Variants in GRIN3B observed in about 807,000 individuals in gnomAD.
GRIN3B encodes glutamate ionotropic receptor NMDA type subunit 3B.
A neutral mutation model predicts 66.0 loss-of-function variants in GRIN3B; 77 were observed. The ratio of observed to expected loss-of-function variants is 1.17; its 90% confidence interval spans 0.97 to 1.41. The LOEUF (loss-of-function observed/expected upper bound fraction) is 1.41. Among genes scored for constraint, GRIN3B ranks in the 40% most tolerant of loss-of-function variants. The pLI is 0.00. For missense variants in GRIN3B, 1,787 were observed against 1,564.5 expected, an observed-to-expected ratio of 1.14 and a Z score of -2.40; for synonymous variants, 823 against 749.7, an observed-to-expected ratio of 1.10 and a Z score of -1.60.
chr19:1,009,390 C>A lies in GRIN3B; in HGVS notation c.2920C>A (p.Pro974Thr). Residue 974 changes from proline to threonine, a missense_variant, in exon 9 of 9, where the codon CCC (proline) becomes ACC (threonine). Coordinates refer to ENST00000234389, the MANE Select transcript of GRIN3B (RefSeq NM_138690.3). ...CTACGGCCGCCCGCCCGCCGCAAGG[C>A]CCACGGGGGCCCCCCAGCCCGGGGA... Reference protein sequence around the residue: ...CSYGRPPAARPTGAPQPGELQ... With the variant: ...CSYGRPPAARTTGAPQPGELQ... 2.1e-6 allele frequency: 3 copies of A among 1,411,466 alleles called. No individual in the cohort carries two copies. Among genetic ancestry groups the A allele is most frequent in the Non-Finnish European group, 1.8e-6 (2 of 1,089,872 alleles). The allele number at this position is 1,411,466 out of a possible 1,614,324, so 87.4% of individuals were successfully genotyped here.
At chr19:1,004,479 T>C (rs369655315) in intron 2 of GRIN3B, 42 bp from the exon 3 acceptor site, 74 of 1,509,274 alleles carry the variant, frequency 4.9e-5, no homozygotes, top group Non-Finnish European at 6.4e-5. Flanking sequence ...GATGGAGGGG[T>C]GTGAACTTCG....
chr19:1,003,876 C>A (rs1447560293), intron 2 of GRIN3B, among the ~76,000 whole-genome samples, 154 bp downstream of exon 2: 1 of 152,212 alleles, frequency 6.6e-6, no homozygotes, highest in African/African-American at 2.4e-5. Flanking sequence ...CACTTGAGCT[C>A]GGGAGTTTGA....
chr19:1,009,351 G>A lies in GRIN3B; in HGVS notation c.2881G>A (p.Val961Ile), dbSNP rs761719156. The A allele has an allele frequency of 2.2e-6, 3 of 1,390,840 alleles. No individual in the cohort carries two copies. The allele number at this position is 1,390,840 out of a possible 1,614,324, so 86.2% of individuals were successfully genotyped here. A position where few individuals can be genotyped will look rare whatever the true frequency, so the allele number is the denominator to read the frequency against. The change falls in exon 9 of 9, where the codon GTC becomes ATC. Residue 961 changes from valine (V) to isoleucine (I), a missense_variant. Physicochemically the swap from Val to Ile is conservative, Grantham distance 29. Transcript: ENST00000234389. ...GGAGGCTGCGCCGCGAGAGGGCCCC[G>A]TCTGGCTGTGCTCCTACGGCCGCCC... ...EAEAAPREGP[V>I]WLCSYGRPPA... is the part of the protein sequence containing the mutation.
Position 1,009,565 on chromosome 19 carries a change from C to A in GRIN3B, c.3095C>A (p.Ala1032Asp), listed in dbSNP as rs2038823942. 2 of 890,640 alleles carry A rather than the reference C, an allele frequency of 2.2e-6. No individual in the cohort carries two copies. The highest frequency in any genetic ancestry group is 3.0e-6 in the Non-Finnish European group (2 of 660,100). The allele number at this position is 890,640 out of a possible 1,614,324, so 55.2% of individuals were successfully genotyped here. A position where few individuals can be genotyped will look rare whatever the true frequency, so the allele number is the denominator to read the frequency against. ...CAGGCCAGAGCGGCCCCCGCGGAGG[C>A]CCCACCACACTCTGGCCGACCGGGG... ...LLQARAAPAE[A>D]PPHSGRPGSQ... The change falls in exon 9 of 9, where the codon GCC becomes GAC. Residue 1032 changes from alanine to aspartate, a missense_variant. Transcript: ENST00000234389.
Position 1,009,562 on chromosome 19 carries a change from AGGCCCCACCACACTCT to A in GRIN3B, c.3097_3112del (p.Pro1033AspfsTer47). On this transcript the variant is annotated frameshift_variant, in exon 9 of 9. Transcript: ENST00000234389. LOFTEE classifies it low-confidence loss of function (END_TRUNC). The stretch of plus-strand genomic sequence containing the variant: ...CTTCAGGCCAGAGCGGCCCCCGCGG[AGGCCCCACCACACTCT>A]GGCCGACCGGGGAGCCAGGAATGAG... 2.2e-6 allele frequency: 2 copies of A among 895,002 alleles called. No individual in the cohort carries two copies. Among genetic ancestry groups the A allele is most frequent in the Non-Finnish European group, 3.0e-6 (2 of 662,152 alleles). The allele number at this position is 895,002 out of a possible 1,614,324, so 55.4% of individuals were successfully genotyped here. A position where few individuals can be genotyped will look rare whatever the true frequency, so the allele number is the denominator to read the frequency against.
chr19:1,003,142 C>T lies in GRIN3B; in HGVS notation c.439C>T (p.Leu147=). ...ACCCCTCTCCCAGAACCCATTCCAC[C>T]TGCAGCTGCACTGGGCCAGCCCCCT... ...APLGAPNPFH[L]QLHWASPLET... is the part of the protein sequence containing the mutation. The change falls in exon 2 of 9, where the codon CTG becomes TTG. Residue 147 remains leucine, a synonymous_variant. Coordinates refer to ENST00000234389, the MANE Select transcript of GRIN3B (RefSeq NM_138690.3). The T allele has an allele frequency of 6.9e-7, 1 of 1,453,740 alleles. No individual in the cohort carries two copies. The allele number at this position is 1,453,740 out of a possible 1,614,324, so 90.1% of individuals were successfully genotyped here. A position where few individuals can be genotyped will look rare whatever the true frequency, so the allele number is the denominator to read the frequency against.
At position 1,005,414 on chromosome 19, in the gene GRIN3B, A is replaced by C; in HGVS notation, c.1913A>C (p.Lys638Thr). ...CGCACCGTGTCCAGCAAGACGCCCA[A>C]GTGCCCCACGGGCCGCCTGCTCATG... ...FRRTVSSKTPKCPTGRLLMNL... is the reference protein window; with the variant it reads ...FRRTVSSKTPTCPTGRLLMNL... Residue 638 changes from lysine to threonine, a missense_variant, in exon 3 of 9, where the codon AAG becomes ACG. Lys to Thr is a moderately conservative substitution (Grantham distance 78). Coordinates refer to ENST00000234389, the MANE Select transcript of GRIN3B (RefSeq NM_138690.3). The surrounding 1 kb of genome is among the most constrained non-coding windows in gnomAD (Gnocchi z 5.2). 6.2e-7 allele frequency: 1 copy of C among 1,613,600 alleles called. No homozygotes were observed. Among genetic ancestry groups the C allele is most frequent in the Non-Finnish European group, 8.5e-7 (1 of 1,179,978 alleles).
rs1456775874 is a variant in GRIN3B at position 1,007,621 on chromosome 19, C to G, written c.2053-7C>G. The G allele has an allele frequency of 2.0e-6, 3 of 1,493,096 alleles. No homozygotes were observed. Among genetic ancestry groups the G allele is most frequent in the Non-Finnish European group, 2.7e-6 (3 of 1,125,034 alleles). The allele number at this position is 1,493,096 out of a possible 1,614,324, so 92.5% of individuals were successfully genotyped here. Reference sequence around the variant, plus strand: ...AGGCAGAGGCGCTGACGGGGTCCCCCGCGCAGCTGCACCACCCGGCGCAGG... The same window carrying G: ...AGGCAGAGGCGCTGACGGGGTCCCCGGCGCAGCTGCACCACCCGGCGCAGG... On this transcript the variant is annotated splice_region_variant and splice_polypyrimidine_tract_variant and intron_variant, in intron 3 of 8. Coordinates refer to ENST00000234389, the MANE Select transcript of GRIN3B (RefSeq NM_138690.3). This position sits in a 1 kb window ranked among gnomAD's most constrained non-coding sequence, Gnocchi z 4.4.
Position 1,000,633 on chromosome 19 carries a change from C to T in GRIN3B, c.196C>T (p.Leu66=), listed in dbSNP as rs2038673703. The change falls in exon 1 of 9, where the codon CTG becomes TTG. Residue 66 remains leucine, a synonymous_variant. Transcript: ENST00000234389. The part of the protein sequence containing the change: ...ALARAALAPR[L]PHNLSLELVV... ...GGCCCGGGCCGCCCTGGCGCCGCGGCTGCCGCACAACCTGAGCTTGGAGCT... is the reference window on the plus strand; with the variant it reads ...GGCCCGGGCCGCCCTGGCGCCGCGGTTGCCGCACAACCTGAGCTTGGAGCT... The T allele has an allele frequency of 4.1e-6, 5 of 1,213,856 alleles. No homozygotes were observed. The highest frequency in any genetic ancestry group is 5.1e-6 in the Non-Finnish European group (5 of 977,512). The allele number at this position is 1,213,856 out of a possible 1,614,324, so 75.2% of individuals were successfully genotyped here. A position where few individuals can be genotyped will look rare whatever the true frequency, so the allele number is the denominator to read the frequency against.
At position 1,007,236 on chromosome 19, in the gene GRIN3B, G is replaced by C. The variant is rs2038759558; in HGVS notation, c.2053-392G>C. On this transcript the variant is annotated intron_variant, in intron 3 of 8. Coordinates refer to ENST00000234389, the MANE Select transcript of GRIN3B (RefSeq NM_138690.3). The surrounding 1 kb of genome is among the most constrained non-coding windows in gnomAD (Gnocchi z 4.4). ...GCTGCCTCCGCCTGGGGTGGGAAGAGCGAGTGGGGGCAGATCAGGAGTGGG... is the reference window on the plus strand; with the variant it reads ...GCTGCCTCCGCCTGGGGTGGGAAGACCGAGTGGGGGCAGATCAGGAGTGGG... Among the ~76,000 whole-genome samples the C allele has an allele frequency of 6.6e-6, 1 of 152,122 alleles. No individual in the cohort carries two copies. The highest frequency in any genetic ancestry group is 1.5e-5 in the Non-Finnish European group (1 of 67,992).
rs758898930 is a variant in GRIN3B at position 1,003,382 on chromosome 19, G to C, written c.679G>C (p.Gly227Arg). 54 of 1,567,298 alleles carry C rather than the reference G, an allele frequency of 3.4e-5. No homozygotes were observed. The highest frequency in any genetic ancestry group is 2.2e-5 in the Non-Finnish European group (25 of 1,162,028). ...ARLAPMAAPVGGEAPVPAAVL... is the reference protein window; with the variant it reads ...ARLAPMAAPVRGEAPVPAAVL... The stretch of plus-strand genomic sequence containing the variant: ...CCTGGCCCCGATGGCGGCGCCAGTG[G>C]GGGGTGAAGCACCGGTACCCGCGGC... The change falls in exon 2 of 9, where the codon GGG (glycine) becomes CGG (arginine). Residue 227 changes from glycine to arginine, a missense_variant. Gly to Arg is a moderately radical substitution (Grantham distance 125, BLOSUM62 -2). Coordinates refer to ENST00000234389, the MANE Select transcript of GRIN3B (RefSeq NM_138690.3).
In GRIN3B at chr19:1,008,893, G is replaced by A; in HGVS notation, c.2668G>A (p.Gly890Arg). 6.2e-7 allele frequency: 1 copy of A among 1,610,814 alleles called. No homozygotes were observed. The highest frequency in any genetic ancestry group is 8.5e-7 in the Non-Finnish European group (1 of 1,178,924). ...HRALNTEPPE[G>R]SKEETAEAEP... Reference sequence around the variant, plus strand: ...CGCCCTCAACACGGAGCCACCAGAGGGGTCGAAGGAGGAGACGGCAGAGGC... The same window carrying A: ...CGCCCTCAACACGGAGCCACCAGAGAGGTCGAAGGAGGAGACGGCAGAGGC... Residue 890 changes from glycine (G) to arginine (R), a missense_variant, in exon 8 of 9, where the codon GGG becomes AGG. Physicochemically the swap from Gly to Arg is moderately radical, Grantham distance 125. Coordinates refer to ENST00000234389, the MANE Select transcript of GRIN3B (RefSeq NM_138690.3).
Position 1,004,687 on chromosome 19 carries a change from T to A in GRIN3B, c.1186T>A (p.Leu396Met). 1 of 1,601,566 alleles carries A rather than the reference T, an allele frequency of 6.2e-7. No homozygotes were observed. The highest frequency in any genetic ancestry group is 8.5e-7 in the Non-Finnish European group (1 of 1,174,196). ...VGSWRDGQLD[L>M]EPGGASARPP... Reference sequence around the variant, plus strand: ...CAGCTGGCGGGACGGCCAGCTGGACTTGGAACCGGGAGGTGCCTCTGCACG... The same window carrying A: ...CAGCTGGCGGGACGGCCAGCTGGACATGGAACCGGGAGGTGCCTCTGCACG... Residue 396 changes from leucine to methionine, a missense_variant, in exon 3 of 9, where the codon TTG (leucine) becomes ATG (methionine). By Grantham distance (15) the Leu-to-Met change is conservative. Transcript: ENST00000234389.
chr19:1,003,656 C>G lies in GRIN3B; in HGVS notation c.953C>G (p.Pro318Arg), dbSNP rs2038708285. The change falls in exon 2 of 9, where the codon CCC becomes CGC. Residue 318 changes from proline (P) to arginine (R), a missense_variant. Pro to Arg is a moderately radical substitution (Grantham distance 103). Coordinates refer to ENST00000234389, the MANE Select transcript of GRIN3B (RefSeq NM_138690.3). ...GTGCAGCCGAAGCGAGCCCTCCTCCCCGCCCCGGTCAACTGCGGGGACCTG... is the reference window on the plus strand; with the variant it reads ...GTGCAGCCGAAGCGAGCCCTCCTCCGCGCCCCGGTCAACTGCGGGGACCTG... ...AQVQPKRALL[P>R]APVNCGDLQP... is the part of the protein sequence containing the mutation. 7.1e-7 allele frequency: 1 copy of G among 1,413,850 alleles called. No homozygotes were observed. The highest frequency in any genetic ancestry group is 9.2e-7 in the Non-Finnish European group (1 of 1,090,118). 87.6% of individuals were successfully genotyped at this position (1,413,850 alleles called of 1,614,324 possible).
At position 1,007,638 on chromosome 19, in the gene GRIN3B, C is replaced by A. The variant is rs1016040268; in HGVS notation, c.2063C>A (p.Pro688Gln). Residue 688 changes from proline to glutamine, a missense_variant, in exon 4 of 9, where the codon CCG (proline) becomes CAG (glutamine). By Grantham distance (76) the Pro-to-Gln change is moderately conservative. Coordinates refer to ENST00000234389, the MANE Select transcript of GRIN3B (RefSeq NM_138690.3). The surrounding 1 kb of genome is among the most constrained non-coding windows in gnomAD (Gnocchi z 4.4). ...GGGTCCCCCGCGCAGCTGCACCACC[C>A]GGCGCAGGGCTTCCGCTTCGGCACC... ...SGIHDPKLHH[P>Q]AQGFRFGTVW... The A allele has an allele frequency of 2.0e-6, 3 of 1,514,142 alleles. No homozygotes were observed. In the Admixed American group the frequency reaches 6.4e-5, roughly 32 times the overall value. 93.8% of individuals were successfully genotyped at this position (1,514,142 alleles called of 1,614,324 possible).
intron 3 of GRIN3B, among the ~76,000 whole-genome samples, chr19:1,006,869 G>A (rs1189947986): frequency 6.6e-6 from 1 of 152,228 alleles, no homozygotes; most frequent in Non-Finnish European, 1.5e-5. Flanking sequence ...CTGACCCACA[G>A]GCACGATGGG....
chr19:1,003,427 A>G lies in GRIN3B; in HGVS notation c.724A>G (p.Ile242Val). The change falls in exon 2 of 9, where the codon ATC becomes GTC. Residue 242 changes from isoleucine to valine, a missense_variant. By Grantham distance (29) the Ile-to-Val change is conservative. Coordinates refer to ENST00000234389, the MANE Select transcript of GRIN3B (RefSeq NM_138690.3). ...VPAAVLLGCD[I>V]ARARRVLEAV... ...CGCGGCGGTCCTCCTCGGCTGTGACATCGCCCGTGCCCGTCGGGTGCTGGA... is the reference window on the plus strand; with the variant it reads ...CGCGGCGGTCCTCCTCGGCTGTGACGTCGCCCGTGCCCGTCGGGTGCTGGA... 3.9e-6 allele frequency: 6 copies of G among 1,544,328 alleles called. No individual in the cohort carries two copies. Among genetic ancestry groups the G allele is most frequent in the South Asian group, 3.5e-5 (3 of 84,532 alleles).
chr19:1,006,604 C>A (rs111436542), intron 3 of GRIN3B, among the ~76,000 whole-genome samples: 1 of 152,164 alleles, frequency 6.6e-6, no homozygotes, highest in Non-Finnish European at 1.5e-5. Context: ...CGTGCCCGGC[C>A]TCCCCTTGTA....
Position 1,005,201 on chromosome 19 carries a change from G to A in GRIN3B, c.1700G>A (p.Gly567Asp), listed in dbSNP as rs1568390987. The change falls in exon 3 of 9, where the codon GGT becomes GAT. Residue 567 changes from glycine to aspartate, a missense_variant. Physicochemically the swap from Gly to Asp is moderately conservative, Grantham distance 94. Coordinates refer to ENST00000234389, the MANE Select transcript of GRIN3B (RefSeq NM_138690.3). This position sits in a 1 kb window ranked among gnomAD's most constrained non-coding sequence, Gnocchi z 5.2. ...GCACGGGACACGGCCTCACCCATCG[G>A]TGCCTTTATGTGGCCCCTGCACTGG... Reference protein sequence around the residue: ...VRARDTASPIGAFMWPLHWST... With the variant: ...VRARDTASPIDAFMWPLHWST... 1 of 1,613,526 alleles carries A rather than the reference G, an allele frequency of 6.2e-7. No individual in the cohort carries two copies. Among genetic ancestry groups the A allele is most frequent in the East Asian group, 2.2e-5 (1 of 44,870 alleles).
Sources: gnomAD v4.1 joint callset for allele counts (sites outside exome capture counted in the v4.1 genomes callset) on GRCh38, gnomAD v4.1.1 for gene constraint, Gnocchi (gnomAD v3.1) non-coding constraint, MANE v1.5 for transcripts, NCBI Gene and HGNC (gene_info 2026-07-23, HGNC 2026-07-21) for gene names.